The following GCNT1 variants were observed in gnomAD, a reference collection of about 807,000 sequenced individuals.
The protein encoded by GCNT1 is beta-1,3-galactosyl-O-glycosyl-glycoprotein beta-1,6-N-acetylglucosaminyltransferase.
A neutral mutation model predicts 26.2 loss-of-function variants in GCNT1; 16 were observed. The ratio of observed to expected loss-of-function variants is 0.61; its 90% CI spans 0.41 to 0.93. GCNT1 has a LOEUF of 0.93. Ranked by LOEUF, GCNT1 falls within the 40% of genes least tolerant of loss-of-function variation. The probability of loss-of-function intolerance (pLI) is 0.00; values close to 1 mark genes in which losing one functional copy is unlikely to be tolerated. For missense variants in GCNT1, 477 were observed against 526.7 expected, an observed-to-expected ratio of 0.91 and a Z score of 0.92; for synonymous variants, 183 against 190.8, an observed-to-expected ratio of 0.96 and a Z score of 0.34.
intron 2 of GCNT1, among the ~76,000 whole-genome samples, chr9:76,499,645 G>A (rs1164323980): frequency 6.6e-6 from 1 of 152,144 alleles, no homozygotes; most frequent in Non-Finnish European, 1.5e-5. Context: ...CTTCTTGGAT[G>A]TGCAAATTAA....
chr9:76,490,762 A>AGT (rs1554738041), intron 2 of GCNT1, among the ~76,000 whole-genome samples: 2 of 152,008 alleles, frequency 1.3e-5, no homozygotes, highest in Non-Finnish European at 2.9e-5. Flanking sequence ...AAGTTTCCTA[A>AGT]CTGCAAGAGT....
At chr9:76,469,226 A>G (rs1236748695) in intron 2 of GCNT1, among the ~76,000 whole-genome samples, 1 of 152,214 alleles carries the variant, frequency 6.6e-6, no homozygotes, top group Non-Finnish European at 1.5e-5. Context: ...TTATTAGTAC[A>G]ATAGTGAGAG....
chr9:76,397,444 ATT>A, the GCNT1 span, among the ~76,000 whole-genome samples: 314 of 138,358 alleles, frequency 2.3e-3, no homozygotes, highest in African/African-American at 3.7e-3. Context: ...AGAAGAAAGA[ATT>A]TTTTTTTTTT....
the GCNT1 span, chr9:76,394,207 T>G: frequency 6.4e-7 from 1 of 1,554,632 alleles, no homozygotes; most frequent in Non-Finnish European, 8.7e-7. Context: ...TGCGGCCCGG[T>G]CTGCGCGTCC....
intron 1 of GCNT1, among the ~76,000 whole-genome samples, chr9:76,432,148 AG>A (rs1265630034): frequency 1.3e-5 from 2 of 152,198 alleles, no homozygotes; most frequent in African/African-American, 4.8e-5. Flanking sequence ...CAAGGGTTTT[AG>A]AAGCTCCTTG....
intron 2 of GCNT1, among the ~76,000 whole-genome samples, chr9:76,488,291 T>C (rs1172007770): frequency 6.6e-6 from 1 of 152,260 alleles, no homozygotes. Flanking sequence ...TCTTGAATTA[T>C]TTAGTTGACG....
intron 1 of GCNT1, among the ~76,000 whole-genome samples, chr9:76,435,445 A>G (rs1233788921): frequency 6.6e-6 from 1 of 152,154 alleles, no homozygotes; most frequent in Non-Finnish European, 1.5e-5. Flanking sequence ...CCACTACCAT[A>G]ACAAGTTACC....
intron 2 of GCNT1, among the ~76,000 whole-genome samples, chr9:76,490,329 T>C (rs892782295): frequency 2.0e-5 from 3 of 152,212 alleles, no homozygotes; most frequent in Non-Finnish European, 4.4e-5. Flanking sequence ...CCTTACTGGA[T>C]AGATTTTTTA....
intron 2 of GCNT1, among the ~76,000 whole-genome samples, chr9:76,473,740 A>T (rs896226446): frequency 1.3e-5 from 2 of 152,234 alleles, no homozygotes; most frequent in Non-Finnish European, 2.9e-5. Context: ...CTGCTGGGGC[A>T]GTCCGGTTGG....
chr9:76,472,953 T>A (rs35862905), intron 2 of GCNT1, among the ~76,000 whole-genome samples: 4,649 of 152,178 alleles, frequency 0.031, 90 homozygotes, highest in Non-Finnish European at 0.047. Context: ...TTCACCACGT[T>A]GGCCGGGGTG....
chr9:76,432,538 C>T (rs891318737), intron 1 of GCNT1, among the ~76,000 whole-genome samples: 1 of 152,040 alleles, frequency 6.6e-6, no homozygotes, highest in African/African-American at 2.4e-5. Flanking sequence ...CAGGGTTTCG[C>T]CATGTTGCCC....
chr9:76,463,793 G>A (rs1172063393), intron 2 of GCNT1, among the ~76,000 whole-genome samples: 2 of 152,076 alleles, frequency 1.3e-5, no homozygotes, highest in African/African-American at 4.8e-5. Context: ...AATCTTAAGT[G>A]GTACTTAGGA....
intron 1 of GCNT1, among the ~76,000 whole-genome samples, chr9:76,420,783 T>TA (rs1184825458): frequency 1.3e-5 from 2 of 151,658 alleles, no homozygotes; most frequent in East Asian, 1.9e-4. Flanking sequence ...AAAATAATTT[T>TA]AAAAAAATAG....
chr9:76,400,933 A>AG, the GCNT1 span, among the ~76,000 whole-genome samples: 1 of 152,260 alleles, frequency 6.6e-6, no homozygotes. Context: ...GTAGTAGGTA[A>AG]GGGGGACTCT....
chr9:76,472,968 A>G (rs574617545), intron 2 of GCNT1, among the ~76,000 whole-genome samples: 19 of 152,114 alleles, frequency 1.2e-4, no homozygotes, highest in African/African-American at 4.3e-4. Flanking sequence ...GGGGTGGTCT[A>G]GAATTCCTGA....
rs191150559 is a variant in GCNT1, at chr9:76,485,158, G to T, written c.-289-15758G>T. 2.0e-5 allele frequency among the ~76,000 whole-genome samples: 3 copies of T among 151,278 alleles called. No homozygotes were observed. In the East Asian group the frequency reaches 5.9e-4, roughly 30 times the overall value. ...GTACTCAATGGCATTTTTTCATATT[G>T]TTTGTTTATTATATGTACTTTTATG... On this transcript the variant is annotated intron_variant, in intron 2 of 3. Transcript: ENST00000376730.
intron 2 of GCNT1, among the ~76,000 whole-genome samples, chr9:76,464,963 C>G (rs1273059677): frequency 6.6e-6 from 1 of 151,934 alleles, no homozygotes; most frequent in Non-Finnish European, 1.5e-5. Context: ...AGTTCATTTT[C>G]TCCAGTTTCC....
At chr9:76,428,250 A>G (rs1823282488) in intron 1 of GCNT1, among the ~76,000 whole-genome samples, 1 of 128,378 alleles carries the variant, frequency 7.8e-6, no homozygotes, top group Non-Finnish European at 1.7e-5. Context: ...TGGGTAAAAG[A>G]GCAAGACTCC....
chr9:76,494,973 G>C (rs1422520775), intron 2 of GCNT1, among the ~76,000 whole-genome samples: 1 of 152,184 alleles, frequency 6.6e-6, no homozygotes, highest in East Asian at 1.9e-4. Flanking sequence ...CCAAAGAGTT[G>C]GGGGTTGTTA....
Sources: allele counts gnomAD v4.1 joint callset (sites outside exome capture counted in the v4.1 genomes callset), GRCh38; gene constraint gnomAD v4.1.1; transcripts MANE v1.5; gene names NCBI Gene and HGNC (gene_info 2026-07-23, HGNC 2026-07-21).